Variants in EML6 observed in about 807,000 individuals in gnomAD.
The protein encoded by EML6 is echinoderm microtubule-associated protein-like 6.
EML6 carries 154 observed loss-of-function variants against 240.1 expected under a neutral mutation model. That is an observed-to-expected ratio of 0.64 (90% CI 0.56 to 0.73). The LOEUF (loss-of-function observed/expected upper bound fraction) is 0.73, where lower values mean the gene tolerates loss of function less well. Among genes scored for constraint, EML6 ranks in the 30% least tolerant of loss-of-function variants. The pLI is 0.00. For synonymous variants in EML6, 1,148 were observed against 899.0 expected (o/e 1.28, Z -4.95); for missense variants, 2,964 against 2,474.6 (o/e 1.20, Z -4.20).
chr2:54,797,901 A>C (rs937900988), intron 2 of EML6, among the ~76,000 whole-genome samples: 32 of 152,120 alleles, frequency 2.1e-4, no homozygotes, highest in Non-Finnish European at 1.0e-4. Flanking sequence ...GCTTTATATT[A>C]AATCAAGATT....
At chr2:54,832,747 C>A (rs72808621) in intron 7 of EML6, among the ~76,000 whole-genome samples, 158 of 152,196 alleles carry the variant, frequency 1.0e-3, no homozygotes, top group Admixed American at 3.9e-3. Flanking sequence ...TCCCCACCCC[C>A]CCGCCAACCC....
chr2:54,924,115 C>G (rs535279800), intron 26 of EML6, among the ~76,000 whole-genome samples: 12 of 152,232 alleles, frequency 7.9e-5, no homozygotes, highest in African/African-American at 2.9e-4. Context: ...TGCTTTCTTT[C>G]TCTTAGGTAA....
chr2:54,793,385 C>CTTTTT lies in EML6; in HGVS notation c.198-19833_198-19829dup, dbSNP rs10683746. On this transcript the variant is annotated intron_variant, in intron 2 of 41. Coordinates refer to ENST00000356458, the MANE Select transcript of EML6 (RefSeq NM_001039753.4). ...TATAAGGTAAATATGTATGAGTAGG[C>CTTTTT]TTTTTTTTTTTTTTTTTTGGGTCCC... Among the ~76,000 whole-genome samples the CTTTTT allele has an allele frequency of 2.1e-4, 25 of 121,758 alleles. 1 individual carries two copies. The highest frequency in any genetic ancestry group is 4.6e-4 in the East Asian group (2 of 4,322). The allele number at this position is 121,758 out of a possible 152,430, so 79.9% of individuals were successfully genotyped here. A position where few individuals can be genotyped will look rare whatever the true frequency, so the allele number is the denominator to read the frequency against.
rs1671141801 is a variant in EML6 at position 54,869,454 on chromosome 2, T to C, written c.2238+87T>C. 7 of 1,015,896 alleles carry C rather than the reference T, an allele frequency of 6.9e-6. No individual in the cohort carries two copies. In the Admixed American group the frequency reaches 1.6e-4, roughly 23 times the overall value. 62.9% of individuals were successfully genotyped at this position (1,015,896 alleles called of 1,614,324 possible). On this transcript the variant is annotated intron_variant, in intron 15 of 41. Coordinates refer to ENST00000356458, the MANE Select transcript of EML6 (RefSeq NM_001039753.4). ...TACATATTAGAAATTCAAGAAATGC[T>C]TGGTAGAAATAAACATGAGATGGGA...
chr2:54,952,794 C>T, intron 31 of EML6, 102 bp downstream of exon 31: 2 of 733,352 alleles, frequency 2.7e-6, no homozygotes, highest in Non-Finnish European at 4.6e-6. Flanking sequence ...ACATCCATCC[C>T]TTCTTGTTGA....
At chr2:54,757,658 G>A (rs1467417252) in intron 2 of EML6, among the ~76,000 whole-genome samples, 2 of 152,094 alleles carry the variant, frequency 1.3e-5, no homozygotes, top group Non-Finnish European at 2.9e-5. Flanking sequence ...TGGACTCACT[G>A]TTCTTTACAC....
chr2:54,937,806 A>G lies in EML6; in HGVS notation c.4004+9055A>G, dbSNP rs939984091. 3.9e-5 allele frequency among the ~76,000 whole-genome samples: 6 copies of G among 152,312 alleles called. No individual in the cohort carries two copies. The South Asian group carries it at 1.2e-3, about 32-fold the overall frequency. On this transcript the variant is annotated intron_variant, in intron 28 of 41. Coordinates refer to ENST00000356458, the MANE Select transcript of EML6 (RefSeq NM_001039753.4). The stretch of plus-strand genomic sequence containing the variant: ...AAGCAACAGTGTTTTTATATACTCT[A>G]TCAATCAAACTTTGTGCATTAATTA...
intron 17 of EML6, among the ~76,000 whole-genome samples, chr2:54,886,103 CA>C (rs1672118229): frequency 6.7e-6 from 1 of 148,152 alleles, no homozygotes. Context: ...CCAACTGTGA[CA>C]ATGATCAGCA....
intron 2 of EML6, among the ~76,000 whole-genome samples, chr2:54,805,181 T>C (rs1261974382): frequency 1.3e-5 from 2 of 152,206 alleles, no homozygotes; most frequent in African/African-American, 4.8e-5. Context: ...ACAATTCCAT[T>C]GCATGAATAG....
At chr2:54,801,581 A>C (rs1489295251) in intron 2 of EML6, among the ~76,000 whole-genome samples, 10 of 152,210 alleles carry the variant, frequency 6.6e-5, no homozygotes, top group Admixed American at 6.5e-4. Flanking sequence ...ATATGGATGA[A>C]TCCGTTTCCC....
At chr2:54,734,194 C>T (rs145907094) in intron 2 of EML6, among the ~76,000 whole-genome samples, 58 of 152,162 alleles carry the variant, frequency 3.8e-4, no homozygotes, top group East Asian at 1.5e-3. Flanking sequence ...AAAAATTAGC[C>T]GGGCATGATG....
intron 4 of EML6, among the ~76,000 whole-genome samples, chr2:54,817,310 G>C (rs1668123168): frequency 1.3e-5 from 2 of 152,208 alleles, no homozygotes; most frequent in Admixed American, 1.3e-4. Flanking sequence ...TGAGAACATA[G>C]AATGTGACCT....
At chr2:54,840,600 C>T (rs1226742672) in intron 7 of EML6, among the ~76,000 whole-genome samples, 2 of 152,092 alleles carry the variant, frequency 1.3e-5, no homozygotes, top group Admixed American at 6.5e-5. Context: ...TGAATATATC[C>T]CATCTTTGAA....
At chr2:54,907,498 CTA>C (rs1015209380) in intron 24 of EML6, among the ~76,000 whole-genome samples, 1 of 152,126 alleles carries the variant, frequency 6.6e-6, no homozygotes, top group Non-Finnish European at 1.5e-5. Context: ...CAGAGCGAGA[CTA>C]TGTCTCAAAA....
chr2:54,794,228 G>T (rs1202053948), intron 2 of EML6, among the ~76,000 whole-genome samples: 1 of 152,176 alleles, frequency 6.6e-6, no homozygotes, highest in Non-Finnish European at 1.5e-5. Flanking sequence ...GCAGAGGCCT[G>T]TTGGCTTCTG....
At chr2:54,900,674 C>T (rs777661247) in intron 22 of EML6, among the ~76,000 whole-genome samples, 113 of 152,192 alleles carry the variant, frequency 7.4e-4, no homozygotes, top group Non-Finnish European at 1.4e-3. Context: ...TATTCTTCCT[C>T]CATCTCTCTA....
At chr2:54,864,372 C>T (rs528753356) in intron 13 of EML6, among the ~76,000 whole-genome samples, 3 of 152,262 alleles carry the variant, frequency 2.0e-5, no homozygotes, top group Admixed American at 1.3e-4. Flanking sequence ...AGTAAAAGCT[C>T]AAATAAAATG....
chr2:54,954,977 G>T (rs1676163960), intron 32 of EML6, among the ~76,000 whole-genome samples: 1 of 152,202 alleles, frequency 6.6e-6, no homozygotes, highest in Non-Finnish European at 1.5e-5. Context: ...CATGGAGGGG[G>T]TGGTGCGTGG....
intron 39 of EML6, 23 bp downstream of exon 39, chr2:54,967,126 T>G (rs1676782874): frequency 6.7e-7 from 1 of 1,502,730 alleles, no homozygotes; most frequent in Non-Finnish European, 9.1e-7. Flanking sequence ...AAGAAAAAAC[T>G]TGAGGAAAAG....
Sources: allele counts gnomAD v4.1 joint callset (sites outside exome capture counted in the v4.1 genomes callset), GRCh38; gene constraint gnomAD v4.1.1; transcripts MANE v1.5; gene names NCBI Gene and HGNC (gene_info 2026-07-23, HGNC 2026-07-21).